RAPGEFL1: variants seen among roughly 807,000 people sequenced by gnomAD.
RAPGEFL1 encodes the protein Rap guanine nucleotide exchange factor like 1.
RAPGEFL1 carries 31 observed loss-of-function variants against 64.4 expected under a neutral mutation model. The ratio of observed to expected loss-of-function variants is 0.48; its 90% CI spans 0.36 to 0.65. The LOEUF (loss-of-function observed/expected upper bound fraction) is 0.65. Ranked by LOEUF, RAPGEFL1 falls within the 30% of genes least tolerant of loss-of-function variation. RAPGEFL1 has a pLI of 0.00. For missense variants in RAPGEFL1, 682 were observed against 677.4 expected, an observed-to-expected ratio of 1.01 and a Z score of -0.08; for synonymous variants, 331 against 274.1, an observed-to-expected ratio of 1.21 and a Z score of -2.05.
chr17:40,190,937 C>T (rs1205186089), intron 8 of RAPGEFL1, 175 bp downstream of exon 8: 1 of 978,146 alleles, frequency 1.0e-6, no homozygotes, highest in East Asian at 2.6e-5. Flanking sequence ...GAGAGAGACC[C>T]CAGAGCACAG....
intron 11 of RAPGEFL1, 72 bp from the exon 12 acceptor site, chr17:40,192,534 G>A: frequency 1.5e-6 from 2 of 1,310,560 alleles, no homozygotes; most frequent in East Asian, 2.3e-5. Flanking sequence ...AGGGGGTGAG[G>A]GAGGAAGCTG....
intron 4 of RAPGEFL1, among the ~76,000 whole-genome samples, chr17:40,186,432 G>T (rs1598441736): frequency 6.6e-6 from 1 of 151,402 alleles, no homozygotes; most frequent in East Asian, 2.0e-4. Flanking sequence ...GCCGGGCGCG[G>T]TGGCGGGCGC....
chr17:40,192,285 T>TTC (rs753433711), intron 11 of RAPGEFL1, 22 bp downstream of exon 11: 18 of 1,611,740 alleles, frequency 1.1e-5, no homozygotes, highest in Admixed American at 1.7e-5. Context: ...TGGCTCTTTC[T>TTC]TCTGCTCTTG....
intron 1 of RAPGEFL1, chr17:40,181,118 C>G: frequency 2.9e-6 from 1 of 350,130 alleles, no homozygotes; most frequent in Non-Finnish European, 5.7e-6. Flanking sequence ...GTCTCTCCAT[C>G]TCCCTTTTAA....
intron 2 of RAPGEFL1, among the ~76,000 whole-genome samples, chr17:40,183,305 G>C (rs1989949172): frequency 6.6e-6 from 1 of 152,014 alleles, no homozygotes; most frequent in African/African-American, 2.4e-5. Context: ...GGATGGGTCT[G>C]GGCAGGGTAT....
Position 40,177,860 on chromosome 17 carries a change from G to C in RAPGEFL1, c.-2G>C. ...ACCCCTAGGAGAGGGGCGGGGGGGG[G>C]CATGAAGCCGCTGGAGAAATTTCTG... On this transcript the variant is annotated 5_prime_UTR_variant, in exon 1 of 15. Coordinates refer to ENST00000620260, the MANE Select transcript of RAPGEFL1 (RefSeq NM_016339.6). The C allele has an allele frequency of 2.3e-6, 1 of 428,620 alleles. No individual in the cohort carries two copies. Among genetic ancestry groups the C allele is most frequent in the Non-Finnish European group, 4.1e-6 (1 of 241,464 alleles). 26.6% of individuals were successfully genotyped at this position (428,620 alleles called of 1,614,324 possible). A position where few individuals can be genotyped will look rare whatever the true frequency, so the allele number is the denominator to read the frequency against.
At position 40,190,729 on chromosome 17, in the gene RAPGEFL1, C is replaced by T. The variant is rs776552988; in HGVS notation, c.1302C>T (p.Ala434=). The change falls in exon 8 of 15, where the codon GCC becomes GCT. Residue 434 remains alanine (A), a synonymous_variant. Transcript: ENST00000620260. ...AGGACGTTGCCAACCACCTAACTGC[C>T]TTCCACTGGGAGCTGTTCCGATGTG... The part of the protein sequence containing the change: ...EPEDVANHLT[A]FHWELFRCVH... 24 of 1,614,184 alleles carry T rather than the reference C, an allele frequency of 1.5e-5. No individual in the cohort carries two copies. Among genetic ancestry groups the T allele is most frequent in the Middle Eastern group, 1.6e-4 (1 of 6,062 alleles).
chr17:40,184,151 C>A, intron 2 of RAPGEFL1, 63 bp from the exon 3 acceptor site: 2 of 1,235,438 alleles, frequency 1.6e-6, no homozygotes, highest in African/African-American at 1.5e-5. Flanking sequence ...GCCTAGCCTC[C>A]CATCTTTCTT....
chr17:40,184,232 C>T lies in RAPGEFL1; in HGVS notation c.618C>T (p.Gly206=). The change falls in exon 3 of 15, where the codon GGC becomes GGT. Residue 206 remains glycine (G), a synonymous_variant. Coordinates refer to ENST00000620260, the MANE Select transcript of RAPGEFL1 (RefSeq NM_016339.6). The part of the protein sequence containing the change: ...ELHQYFVRAG[G]MEGPEGLGRK... ...GGGTCAGCTTTGTTCGGGCAGGAGG[C>T]ATGGAGGGCCCTGAAGGGCTGGGCC... The T allele has an allele frequency of 6.2e-7, 1 of 1,612,958 alleles. No homozygotes were observed.
rs1287073061 is a variant in RAPGEFL1, at chr17:40,190,649, C to T, written c.1222C>T (p.Pro408Ser). The T allele has an allele frequency of 6.2e-7, 1 of 1,614,124 alleles. No homozygotes were observed. The highest frequency in any genetic ancestry group is 8.5e-7 in the Non-Finnish European group (1 of 1,179,980). The change falls in exon 8 of 15, where the codon CCC (proline) becomes TCC (serine). Residue 408 changes from proline to serine, a missense_variant. By Grantham distance (74) the Pro-to-Ser change is moderately conservative. Around this residue, in one of 2 missense-constraint regions of RAPGEFL1, gnomAD observed 411 missense variants for 519.4 expected, o/e 0.79. Transcript: ENST00000620260. ...CCCTGCCTGCCACCAGGTGCCCCTC[C>T]CCGAGGAGATCCAGGTCTCCCCTGG... ...RDSYEALVPL[P>S]EEIQVSPGDT...
chr17:40,178,426 C>T (rs1412465826), intron 1 of RAPGEFL1, 45 bp downstream of exon 1: 3 of 465,482 alleles, frequency 6.4e-6, no homozygotes, highest in East Asian at 3.5e-5. Context: ...GGGCTGGCCC[C>T]GGCTCCTCTT....
chr17:40,187,670 G>C (rs1194971807), intron 4 of RAPGEFL1, among the ~76,000 whole-genome samples: 2 of 151,740 alleles, frequency 1.3e-5, no homozygotes, highest in Non-Finnish European at 2.9e-5. Context: ...GAGTGCAGTG[G>C]TGTGATCTCG....
intron 1 of RAPGEFL1, among the ~76,000 whole-genome samples, chr17:40,178,761 C>T (rs141816906): frequency 8.1e-4 from 124 of 152,314 alleles, no homozygotes; most frequent in African/African-American, 2.7e-3. Flanking sequence ...CCATGCCACC[C>T]GCCAGAGGTG....
At position 40,178,140 on chromosome 17, in the gene RAPGEFL1, G is replaced by A; in HGVS notation, c.279G>A (p.Glu93=). ...EEGGEPAGVA[E]EPGSGGPCWL... ...GAGGAGAGCCGGCGGGGGTCGCGGAGGAGCCGGGCAGCGGGGGGCCCTGCT... is the reference window on the plus strand; with the variant it reads ...GAGGAGAGCCGGCGGGGGTCGCGGAAGAGCCGGGCAGCGGGGGGCCCTGCT... Residue 93 remains glutamate, a synonymous_variant, in exon 1 of 15, where the codon GAG becomes GAA. Transcript: ENST00000620260. The A allele has an allele frequency of 1.8e-6, 1 of 557,814 alleles. No individual in the cohort carries two copies. Among genetic ancestry groups the A allele is most frequent in the Non-Finnish European group, 3.2e-6 (1 of 315,662 alleles). 34.6% of individuals were successfully genotyped at this position (557,814 alleles called of 1,614,324 possible).
intron 12 of RAPGEFL1, 116 bp from the exon 13 acceptor site, chr17:40,192,810 C>T: frequency 1.5e-6 from 2 of 1,327,638 alleles, no homozygotes; most frequent in Non-Finnish European, 1.1e-6. Context: ...TGGAGAGGAG[C>T]CCCCCACCAC....
upstream of RAPGEFL1, chr17:40,177,425 G>A: frequency 1.7e-6 from 1 of 583,106 alleles, no homozygotes; most frequent in East Asian, 3.5e-5. Flanking sequence ...TAGGGGCGGG[G>A]ACTGGGCGGG....
chr17:40,187,450 A>G (rs1567694433), intron 4 of RAPGEFL1, among the ~76,000 whole-genome samples: 1 of 152,140 alleles, frequency 6.6e-6, no homozygotes. Context: ...TCCAAGAGAA[A>G]GTGAAACATC....
rs1334063184 is a variant in RAPGEFL1 at position 40,190,747 on chromosome 17, C to G, written c.1320C>G (p.Phe440Leu). 6.2e-7 allele frequency: 1 copy of G among 1,614,002 alleles called. No homozygotes were observed. The highest frequency in any genetic ancestry group is 1.3e-5 in the African/African-American group (1 of 74,902). ...NHLTAFHWEL[F>L]RCVHELEFVD... ...TAACTGCCTTCCACTGGGAGCTGTT[C>G]CGATGTGTGCATGAGGTGGGGACCG... Residue 440 changes from phenylalanine (F) to leucine (L), a missense_variant, in exon 8 of 15, where the codon TTC (phenylalanine) becomes TTG (leucine). This residue lies in a region of RAPGEFL1 where 411 missense variants were observed against 519.4 expected (regional missense o/e 0.79). Coordinates refer to ENST00000620260, the MANE Select transcript of RAPGEFL1 (RefSeq NM_016339.6).
intron 2 of RAPGEFL1, among the ~76,000 whole-genome samples, chr17:40,183,073 A>G (rs1233984821): frequency 6.6e-6 from 1 of 152,100 alleles, no homozygotes. Flanking sequence ...GCTTGAACCC[A>G]GGAGGCAGAG....
Sources: gnomAD v4.1 joint callset for allele counts (sites outside exome capture counted in the v4.1 genomes callset) on GRCh38, gnomAD v4.1.1 for gene constraint, gnomAD v4.1.1 regional missense constraint, MANE v1.5 for transcripts, NCBI Gene and HGNC (gene_info 2026-07-23, HGNC 2026-07-21) for gene names.